Variants in P3H2 observed in about 807,000 individuals in gnomAD.
P3H2 encodes prolyl 3-hydroxylase 2.
A neutral mutation model predicts 87.0 loss-of-function variants in P3H2; 80 were observed. That is an observed-to-expected ratio of 0.92 (90% CI 0.77 to 1.11). The LOEUF (loss-of-function observed/expected upper bound fraction) is 1.11. P3H2 is among the 50% of genes least tolerant of loss of function. The pLI, the probability that P3H2 is intolerant of heterozygous loss-of-function variation, is 0.00. For missense variants in P3H2, 1,001 were observed against 923.9 expected, an observed-to-expected ratio of 1.08 and a Z score of -1.08; for synonymous variants, 367 against 359.3, an observed-to-expected ratio of 1.02 and a Z score of -0.24.
rs550469748 is a variant in P3H2, at chr3:189,956,877, C to T, written c.*1035G>A. On this transcript the variant is annotated 3_prime_UTR_variant, in exon 15 of 15. Coordinates refer to ENST00000319332, the MANE Select transcript of P3H2 (RefSeq NM_018192.4). ...TTTTTCTTATGTAAGTACAAAACAC[C>T]TCTTTTCATCAGTGGACCCCACTCC... is the stretch of plus-strand genomic sequence containing the variant. The T allele has an allele frequency of 2.6e-6, 1 of 383,140 alleles. No homozygotes were observed. Among genetic ancestry groups the T allele is most frequent in the Admixed American group, 4.5e-5 (1 of 22,274 alleles). The allele number at this position is 383,140 out of a possible 1,614,324, so 23.7% of individuals were successfully genotyped here.
intron 1 of P3H2, among the ~76,000 whole-genome samples, chr3:190,000,993 C>T (rs1408539710): frequency 6.6e-6 from 1 of 152,206 alleles, no homozygotes; most frequent in Non-Finnish European, 1.5e-5. Flanking sequence ...TAATGCAGCA[C>T]AGCGTAAGTC....
chr3:190,078,756 T>C (rs1418934765), intron 1 of P3H2, among the ~76,000 whole-genome samples: 1 of 152,206 alleles, frequency 6.6e-6, no homozygotes, highest in Non-Finnish European at 1.5e-5. Flanking sequence ...AAACTTTTTA[T>C]TTGTTTTTTA....
At chr3:189,969,624 C>G in intron 13 of P3H2, 1 of 1,201,160 alleles carries the variant, frequency 8.3e-7, no homozygotes, top group Non-Finnish European at 1.2e-6. Context: ...TCCTTCAAAG[C>G]CCAGATGGTC....
intron 14 of P3H2, among the ~76,000 whole-genome samples, chr3:189,958,959 G>A (rs1722724206): frequency 6.6e-6 from 1 of 151,920 alleles, no homozygotes; most frequent in East Asian, 1.9e-4. Flanking sequence ...AAAGTGCTGG[G>A]ATTACAGGAG....
chr3:189,998,758 G>A (rs1352499655), intron 1 of P3H2, among the ~76,000 whole-genome samples: 2 of 152,176 alleles, frequency 1.3e-5, no homozygotes, highest in Non-Finnish European at 2.9e-5. Flanking sequence ...TGAATTATAA[G>A]GCAGTGGTCC....
chr3:190,118,200 G>C (rs913024030), intron 1 of P3H2, among the ~76,000 whole-genome samples: 1 of 152,118 alleles, frequency 6.6e-6, no homozygotes, highest in Non-Finnish European at 1.5e-5. Flanking sequence ...CAGAACCAGG[G>C]AAACCCACAT....
chr3:190,013,953 TG>T (rs1399546516), intron 1 of P3H2, among the ~76,000 whole-genome samples: 1 of 152,140 alleles, frequency 6.6e-6, no homozygotes, highest in African/African-American at 2.4e-5. Context: ...AAAAAGTAGG[TG>T]TAATGTTTTC....
chr3:190,052,782 T>C (rs1234977921), intron 1 of P3H2, among the ~76,000 whole-genome samples: 1 of 152,074 alleles, frequency 6.6e-6, no homozygotes, highest in Non-Finnish European at 1.5e-5. Context: ...AAACCGTACA[T>C]GTAAAAGAAT....
intron 1 of P3H2, among the ~76,000 whole-genome samples, chr3:190,057,182 T>C (rs9879082): frequency 0.3 from 45,172 of 152,060 alleles, 6,884 homozygotes; most frequent in Middle Eastern, 0.36. Flanking sequence ...TTTTACATAA[T>C]GATGGATAGT....
intron 13 of P3H2, chr3:189,969,333 G>A (rs1015623201): frequency 3.5e-6 from 3 of 865,726 alleles, no homozygotes; most frequent in Non-Finnish European, 5.9e-6. Context: ...CTGCTCAAGA[G>A]ATAAAACGAG....
intron 1 of P3H2, among the ~76,000 whole-genome samples, chr3:190,052,436 T>C (rs1471477406): frequency 6.6e-6 from 1 of 152,184 alleles, no homozygotes; most frequent in African/African-American, 2.4e-5. Context: ...TTTTAAAGCA[T>C]ATTTCTTTTA....
upstream of P3H2, chr3:190,120,922 CTTAAAGGGA>C (rs1712557109): frequency 4.9e-6 from 4 of 815,146 alleles, no homozygotes; most frequent in Non-Finnish European, 7.1e-6. Flanking sequence ...GCCAGCCGCT[CTTAAAGGGA>C]CGCCCACAGC....
intron 1 of P3H2, among the ~76,000 whole-genome samples, chr3:190,056,930 C>A (rs1726179068): frequency 6.6e-6 from 1 of 152,166 alleles, no homozygotes; most frequent in Non-Finnish European, 1.5e-5. Context: ...GTAGACCCTC[C>A]CCCTTCACCA....
chr3:190,028,086 T>A (rs936250669), intron 1 of P3H2, among the ~76,000 whole-genome samples: 2 of 152,184 alleles, frequency 1.3e-5, no homozygotes, highest in Non-Finnish European at 2.9e-5. Flanking sequence ...TTCCTGTCAA[T>A]AAGTTCCCTC....
At chr3:190,087,151 A>G (rs1424748025) in intron 1 of P3H2, among the ~76,000 whole-genome samples, 2 of 152,218 alleles carry the variant, frequency 1.3e-5, no homozygotes, top group Non-Finnish European at 2.9e-5. Flanking sequence ...CTTACTCTGC[A>G]TATTTTATAC....
intron 1 of P3H2, among the ~76,000 whole-genome samples, chr3:190,010,416 A>C (rs1392961479): frequency 6.6e-6 from 1 of 152,226 alleles, no homozygotes; most frequent in Non-Finnish European, 1.5e-5. Flanking sequence ...TGAAACCTCT[A>C]AAGAAGAAAC....
chr3:190,057,777 C>T (rs868383782), intron 1 of P3H2, among the ~76,000 whole-genome samples: 41 of 152,146 alleles, frequency 2.7e-4, no homozygotes, highest in African/African-American at 9.2e-4. Flanking sequence ...ATTTTTCCAT[C>T]GAAACATGGG....
chr3:189,999,803 C>G (rs1302827603), intron 1 of P3H2, among the ~76,000 whole-genome samples: 1 of 152,150 alleles, frequency 6.6e-6, no homozygotes, highest in Non-Finnish European at 1.5e-5. Context: ...ACTGAGATGT[C>G]AGAAATACTG....
chr3:189,986,959 T>G, intron 5 of P3H2, 82 bp from the exon 6 acceptor site: 1 of 921,228 alleles, frequency 1.1e-6, no homozygotes. Context: ...TGGCAATATT[T>G]TCATTAGATA....
Sources: allele counts gnomAD v4.1 joint callset (sites outside exome capture counted in the v4.1 genomes callset), GRCh38; gene constraint gnomAD v4.1.1; transcripts MANE v1.5; gene names NCBI Gene and HGNC (gene_info 2026-07-23, HGNC 2026-07-21).